Variants in DCAF8 observed in about 807,000 individuals in gnomAD.
DCAF8 encodes the protein DDB1- and CUL4-associated factor 8.
In DCAF8, 20 loss-of-function variants were observed where a neutral mutation model predicts 68.0. The ratio of observed to expected loss-of-function variants is 0.29; its 90% CI spans 0.21 to 0.43. The LOEUF is 0.43. Ranked by LOEUF, DCAF8 falls within the 20% of genes least tolerant of loss-of-function variation. DCAF8 has a pLI of 1.00. For missense variants in DCAF8, 460 were observed against 771.0 expected, an observed-to-expected ratio of 0.60 and a Z score of 4.78; for synonymous variants, 230 against 276.9, an observed-to-expected ratio of 0.83 and a Z score of 1.68.
chr1:160,250,306 G>A (rs1282039149), intron 2 of DCAF8, among the ~76,000 whole-genome samples: 1 of 151,764 alleles, frequency 6.6e-6, no homozygotes, highest in Non-Finnish European at 1.5e-5. Flanking sequence ...CCTATTAAAA[G>A]TACAAAAATA....
At chr1:160,257,520 G>A (rs1235672279) in intron 2 of DCAF8, among the ~76,000 whole-genome samples, 1 of 152,190 alleles carries the variant, frequency 6.6e-6, no homozygotes, top group Non-Finnish European at 1.5e-5. Flanking sequence ...AAGACTTAGA[G>A]CACGAAACTC....
intron 2 of DCAF8, among the ~76,000 whole-genome samples, chr1:160,250,835 A>G (rs1435392210): frequency 1.3e-5 from 2 of 152,186 alleles, no homozygotes; most frequent in East Asian, 3.8e-4. Flanking sequence ...ATTAATTTGT[A>G]TGTTTATGCT....
intron 9 of DCAF8, 136 bp from the exon 10 acceptor site, chr1:160,224,685 C>T: frequency 1.5e-6 from 1 of 686,982 alleles, no homozygotes; most frequent in East Asian, 2.7e-5. Context: ...TTATTTGGAA[C>T]ACCAGGCAAG....
At chr1:160,253,388 T>C (rs1656681032) in intron 2 of DCAF8, among the ~76,000 whole-genome samples, 1 of 151,600 alleles carries the variant, frequency 6.6e-6, no homozygotes, top group African/African-American at 2.4e-5. Flanking sequence ...TAAGTGACGC[T>C]GGTAATCCCA....
At chr1:160,236,374 ATATG>A (rs1277027718) in intron 6 of DCAF8, among the ~76,000 whole-genome samples, 3 of 151,312 alleles carry the variant, frequency 2.0e-5, no homozygotes, top group Admixed American at 6.6e-5. Flanking sequence ...ATATAAACAT[ATATG>A]TGTGTGTATA....
intron 2 of DCAF8, among the ~76,000 whole-genome samples, chr1:160,257,903 A>C (rs1196298183): frequency 6.6e-6 from 1 of 151,968 alleles, no homozygotes; most frequent in African/African-American, 2.4e-5. Flanking sequence ...CTTTTTTTTT[A>C]AACTTTTTGT....
intron 6 of DCAF8, among the ~76,000 whole-genome samples, chr1:160,232,011 C>T (rs533275811): frequency 6.6e-6 from 1 of 152,014 alleles, no homozygotes; most frequent in African/African-American, 2.4e-5. Context: ...GCCAACATGG[C>T]GAGACCCCAT....
intron 3 of DCAF8, among the ~76,000 whole-genome samples, chr1:160,241,175 C>A (rs759590573): frequency 2.6e-5 from 4 of 152,058 alleles, no homozygotes; most frequent in African/African-American, 9.7e-5. Flanking sequence ...TACCACTACA[C>A]CTTCTGTCAC....
intron 7 of DCAF8, among the ~76,000 whole-genome samples, chr1:160,230,709 T>C (rs1342635327): frequency 2.0e-5 from 3 of 152,224 alleles, no homozygotes; most frequent in East Asian, 1.9e-4. Context: ...CCTAAATTTA[T>C]GGCTTAGCTG....
At chr1:160,262,242 G>T (rs540864405) in intron 1 of DCAF8, 46 of 398,448 alleles carry the variant, frequency 1.2e-4, no homozygotes, top group Admixed American at 2.2e-4. Flanking sequence ...GGAAGCGAGG[G>T]GGGGCGCAGG....
At chr1:160,220,222 G>C (rs960532114) in intron 11 of DCAF8, 1 of 152,230 alleles carries the variant, frequency 6.6e-6, no homozygotes, top group African/African-American at 2.4e-5. Context: ...CTTTTAGGCA[G>C]TGCAGTTAAA....
chr1:160,240,047 G>C lies in DCAF8; in HGVS notation c.373C>G (p.Arg125Gly), dbSNP rs186360966. ...RRRVQRKRAN[R>G]DQDSSDDERA... ...TCATCATCTGATGAGTCCTGGTCAC[G>C]GTTAGCCCGCTTGCGCTGTACACGG... Residue 125 changes from arginine (R) to glycine (G), a missense_variant, in exon 4 of 14, where the codon CGT becomes GGT. Physicochemically the swap from Arg to Gly is moderately radical, Grantham distance 125 (BLOSUM62 -2). This residue lies in a region of DCAF8 where 156 missense variants were observed against 181.4 expected (regional missense o/e 0.86). Transcript: ENST00000368074. 5.0e-6 allele frequency: 8 copies of C among 1,614,226 alleles called. No individual in the cohort carries two copies. Among genetic ancestry groups the C allele is most frequent in the Middle Eastern group, 1.6e-4 (1 of 6,062 alleles).
chr1:160,262,502 G>A lies in DCAF8; in HGVS notation c.-154C>T. ...CTCCGCTCTCTGCGCTTGCGCCTGC[G>A]CTGCCACGCTTTCCGGCCCCGTTTG... On this transcript the variant is annotated 5_prime_UTR_variant, in exon 1 of 14. Transcript: ENST00000368074. The A allele has an allele frequency of 2.5e-6, 1 of 399,662 alleles. No individual in the cohort carries two copies. Among genetic ancestry groups the A allele is most frequent in the South Asian group, 1.3e-4 (1 of 7,862 alleles). The allele number at this position is 399,662 out of a possible 1,614,324, so 24.8% of individuals were successfully genotyped here.
intron 2 of DCAF8, among the ~76,000 whole-genome samples, chr1:160,255,108 T>C (rs569862259): frequency 3.9e-5 from 6 of 152,318 alleles, no homozygotes; most frequent in South Asian, 2.1e-4. Flanking sequence ...ACATCGTATA[T>C]AATATAGGAC....
intron 2 of DCAF8, among the ~76,000 whole-genome samples, chr1:160,257,417 A>AT (rs1476479519): frequency 2.0e-5 from 3 of 152,344 alleles, no homozygotes; most frequent in East Asian, 3.9e-4. Flanking sequence ...ACTTTTATAC[A>AT]GTAGAAATAA....
At chr1:160,219,093 G>A in intron 11 of DCAF8, 125 bp from the exon 12 acceptor site, 1 of 1,380,766 alleles carries the variant, frequency 7.2e-7, no homozygotes, top group Non-Finnish European at 9.9e-7. Flanking sequence ...GGGAAGGGAG[G>A]CCCACCCATC....
At chr1:160,222,028 G>T (rs369558092) in intron 11 of DCAF8, among the ~76,000 whole-genome samples, 4 of 152,024 alleles carry the variant, frequency 2.6e-5, no homozygotes, top group Non-Finnish European at 4.4e-5. Flanking sequence ...CCACATTTGC[G>T]TTCTCCTTAT....
At chr1:160,226,260 TA>T (rs1655469658) in intron 7 of DCAF8, among the ~76,000 whole-genome samples, 1 of 152,176 alleles carries the variant, frequency 6.6e-6, no homozygotes, top group Admixed American at 6.5e-5. Context: ...ATGCTTAATG[TA>T]AGTCAATGGG....
At chr1:160,218,116 C>T in intron 13 of DCAF8, 1 of 625,704 alleles carries the variant, frequency 1.6e-6, no homozygotes, top group Non-Finnish European at 2.9e-6. Context: ...TAGCATTACA[C>T]ATGGACGGCA....
Sources: gnomAD v4.1 joint callset for allele counts (sites outside exome capture counted in the v4.1 genomes callset) on GRCh38, gnomAD v4.1.1 for gene constraint, gnomAD v4.1.1 regional missense constraint, MANE v1.5 for transcripts, NCBI Gene and HGNC (gene_info 2026-07-23, HGNC 2026-07-21) for gene names.